ARSK: variants seen among roughly 807,000 people sequenced by gnomAD.
ARSK encodes the protein arylsulfatase family member K.
ARSK carries 37 observed loss-of-function variants against 53.2 expected under a neutral mutation model. The ratio of observed to expected loss-of-function variants is 0.70; its 90% CI spans 0.54 to 0.92. The LOEUF (loss-of-function observed/expected upper bound fraction) is 0.92, where lower values mean the gene tolerates loss of function less well. Ranked by LOEUF, ARSK falls within the 40% of genes least tolerant of loss-of-function variation. The pLI, the probability that ARSK is intolerant of heterozygous loss-of-function variation, is 0.00. For missense variants in ARSK, 613 were observed against 643.0 expected, an observed-to-expected ratio of 0.95 and a Z score of 0.51; for synonymous variants, 208 against 223.2, an observed-to-expected ratio of 0.93 and a Z score of 0.61.
intron 3 of ARSK, among the ~76,000 whole-genome samples, chr5:95,574,102 G>A (rs896452823): frequency 6.6e-6 from 1 of 152,046 alleles, no homozygotes; most frequent in African/African-American, 2.4e-5. Context: ...TGTGAAGTTT[G>A]CCTTTCTGTG....
intron 2 of ARSK, among the ~76,000 whole-genome samples, chr5:95,566,596 G>A (rs74519417): frequency 0.048 from 7,229 of 151,962 alleles, 215 homozygotes; most frequent in East Asian, 0.11. Context: ...CTTTCTTTCC[G>A]TCTCAATTCA....
At chr5:95,587,050 A>T (rs1220957213) in intron 5 of ARSK, among the ~76,000 whole-genome samples, 2 of 152,190 alleles carry the variant, frequency 1.3e-5, no homozygotes, top group Admixed American at 6.5e-5. Context: ...ACAGGTACAC[A>T]TGTGATTGGT....
intron 3 of ARSK, among the ~76,000 whole-genome samples, chr5:95,571,589 CT>C (rs1231069440): frequency 2.0e-5 from 3 of 152,052 alleles, no homozygotes; most frequent in African/African-American, 7.2e-5. Flanking sequence ...GGAGTTCTTT[CT>C]TTGTCATGTG....
At chr5:95,590,340 T>A (rs1178475915) in intron 5 of ARSK, among the ~76,000 whole-genome samples, 2 of 152,066 alleles carry the variant, frequency 1.3e-5, no homozygotes, top group Non-Finnish European at 2.9e-5. Context: ...AACGTAAAGG[T>A]CTAGCAGGTA....
At chr5:95,565,630 C>T (rs907784915) in intron 1 of ARSK, among the ~76,000 whole-genome samples, 2 of 152,144 alleles carry the variant, frequency 1.3e-5, no homozygotes, top group Non-Finnish European at 2.9e-5. Context: ...TTGCCTCTCC[C>T]ACTAGACTGT....
In ARSK at chr5:95,586,533, C is replaced by T; in HGVS notation, c.700-29C>T. 4.4e-6 allele frequency: 7 copies of T among 1,575,256 alleles called. No homozygotes were observed. In the East Asian group the frequency reaches 1.1e-4, roughly 26 times the overall value. ...GAAAGAAATAGCACTATTTTGCTAG[C>T]ATAACTAAGTTTTTTCTCCCCTTTT... is the stretch of plus-strand genomic sequence containing the variant. On this transcript the variant is annotated intron_variant, in intron 4 of 7. Coordinates refer to ENST00000380009, the MANE Select transcript of ARSK (RefSeq NM_198150.3).
intron 5 of ARSK, among the ~76,000 whole-genome samples, chr5:95,589,614 CT>C (rs570799179): frequency 2.7e-4 from 41 of 152,294 alleles, no homozygotes; most frequent in Middle Eastern, 6.8e-3. Context: ...GATCTCATTC[CT>C]TTTTATGGCT....
At chr5:95,581,057 C>T (rs527393142) in intron 3 of ARSK, 1 of 498,098 alleles carries the variant, frequency 2.0e-6, no homozygotes, top group African/African-American at 2.0e-5. Flanking sequence ...CATGCTAAAG[C>T]CATGCTTATG....
At chr5:95,588,385 C>G (rs567533125) in intron 5 of ARSK, among the ~76,000 whole-genome samples, 2 of 151,674 alleles carry the variant, frequency 1.3e-5, no homozygotes, top group African/African-American at 4.8e-5. Flanking sequence ...TATAGGCACG[C>G]GCCACCACGC....
intron 3 of ARSK, among the ~76,000 whole-genome samples, chr5:95,581,497 G>A (rs768351777): frequency 6.6e-6 from 1 of 152,174 alleles, no homozygotes; most frequent in African/African-American, 2.4e-5. Context: ...GTTAATCCAA[G>A]GAGTGGCAAC....
At chr5:95,559,537 T>A (rs1748590243) in intron 1 of ARSK, among the ~76,000 whole-genome samples, 3 of 152,184 alleles carry the variant, frequency 2.0e-5, no homozygotes, top group African/African-American at 7.2e-5. Flanking sequence ...GTGGAATTTG[T>A]CCCCAAAATG....
At chr5:95,563,007 C>G (rs1748668028) in intron 1 of ARSK, among the ~76,000 whole-genome samples, 1 of 152,200 alleles carries the variant, frequency 6.6e-6, no homozygotes, top group South Asian at 2.1e-4. Context: ...CATCAGCCAG[C>G]TGTGTTAAGA....
intron 3 of ARSK, among the ~76,000 whole-genome samples, chr5:95,579,544 C>A (rs1206800409): frequency 2.6e-5 from 4 of 152,188 alleles, no homozygotes; most frequent in Non-Finnish European, 4.4e-5. Context: ...CATCAGGTCC[C>A]TCCCACAACA....
intron 6 of ARSK, 101 bp from the exon 7 acceptor site, chr5:95,600,746 C>T: frequency 1.7e-6 from 2 of 1,154,754 alleles, no homozygotes; most frequent in Non-Finnish European, 2.6e-6. Context: ...GTCTCCATGG[C>T]ATTTAATGGT....
intron 3 of ARSK, among the ~76,000 whole-genome samples, chr5:95,572,163 C>A (rs1317346149): frequency 6.6e-6 from 1 of 152,114 alleles, no homozygotes; most frequent in East Asian, 1.9e-4. Context: ...TATGACACAC[C>A]ACACCATACT....
In ARSK at chr5:95,570,442, T is replaced by C. The variant is rs546080031; in HGVS notation, c.416+2393T>C. ...TACATGTAGGAGGAGGAGCACAGGC[T>C]TTGTGTCCATCAGAGCAGTCAGATA... On this transcript the variant is annotated intron_variant, in intron 3 of 7. Transcript: ENST00000380009. Among the ~76,000 whole-genome samples, 9 of 152,302 alleles carry C rather than the reference T, an allele frequency of 5.9e-5. No homozygotes were observed. The East Asian group carries it at 1.7e-3, about 29-fold the overall frequency.
chr5:95,565,923 AAATTTTATGGTTAAAGAAAAT>A (rs1182668448), intron 1 of ARSK, 54 bp from the exon 2 acceptor site: 2 of 1,381,602 alleles, frequency 1.4e-6, no homozygotes, highest in Non-Finnish European at 1.9e-6. Flanking sequence ...CTGCTATTGT[AAATTTTATGGTTAAAGAAAAT>A]AATTTTCTTC....
chr5:95,567,955 A>C lies in ARSK; in HGVS notation c.322A>C (p.Asn108His). ...GAATAATTTTAAGGGTCTAGATCCA[A>C]ATTATACAACATGGATGGATGTCAT... Reference protein sequence around the residue: ...SWNNFKGLDPNYTTWMDVMER... With the variant: ...SWNNFKGLDPHYTTWMDVMER... The change falls in exon 3 of 8, where the codon AAT (asparagine) becomes CAT (histidine). Residue 108 changes from asparagine to histidine, a missense_variant. Asn to His is a moderately conservative substitution (Grantham distance 68). Coordinates refer to ENST00000380009, the MANE Select transcript of ARSK (RefSeq NM_198150.3). 1 of 1,613,864 alleles carries C rather than the reference A, an allele frequency of 6.2e-7. No homozygotes were observed.
At chr5:95,566,187 G>A (rs1221372922) in intron 2 of ARSK, 60 bp downstream of exon 2, 2 of 1,567,380 alleles carry the variant, frequency 1.3e-6, no homozygotes, top group African/African-American at 2.8e-5. Flanking sequence ...TATATTCACA[G>A]TTTAAAAGAT....
Sources: gnomAD v4.1 joint callset for allele counts (sites outside exome capture counted in the v4.1 genomes callset) on GRCh38, gnomAD v4.1.1 for gene constraint, MANE v1.5 for transcripts, NCBI Gene and HGNC (gene_info 2026-07-23, HGNC 2026-07-21) for gene names.